The following TMC5 variants were observed in gnomAD, a reference collection of about 807,000 sequenced individuals.
The protein encoded by TMC5 is transmembrane channel like 5.
TMC5 carries 86 observed loss-of-function variants against 110.5 expected under a neutral mutation model. The observed-to-expected ratio is 0.78, with a 90% CI of 0.65 to 0.93. The LOEUF is 0.93. Among genes scored for constraint, TMC5 ranks in the 40% least tolerant of loss-of-function variants. The pLI is 0.00. For synonymous variants in TMC5, 455 were observed against 439.5 expected, an observed-to-expected ratio of 1.04 and a Z score of -0.44; for missense variants, 1,144 against 1,222.8, an observed-to-expected ratio of 0.94 and a Z score of 0.96.
At chr16:19,493,883 CTT>C (rs5816053) in intron 19 of TMC5, among the ~76,000 whole-genome samples, 2 of 150,740 alleles carry the variant, frequency 1.3e-5, no homozygotes, top group Non-Finnish European at 3.0e-5. Context: ...CTACATATAT[CTT>C]TTTTTTTTGT....
At chr16:19,424,520 ACCC>A (rs1967050907) in intron 1 of TMC5, among the ~76,000 whole-genome samples, 1 of 151,960 alleles carries the variant, frequency 6.6e-6, no homozygotes, top group Admixed American at 6.6e-5. Flanking sequence ...ACGGTGGCGG[ACCC>A]CTGTAATCCC....
chr16:19,452,328 C>A (rs75464028), intron 5 of TMC5, among the ~76,000 whole-genome samples: 5 of 152,148 alleles, frequency 3.3e-5, no homozygotes, highest in Non-Finnish European at 7.4e-5. Context: ...GGAACCTCCC[C>A]GTCTTCAGCT....
upstream of TMC5, among the ~76,000 whole-genome samples, chr16:19,416,296 A>C (rs145622514): frequency 2.0e-5 from 3 of 152,300 alleles, no homozygotes; most frequent in African/African-American, 7.2e-5. Context: ...CCCAAATGCA[A>C]ATGCCATAGG....
In TMC5 at chr16:19,493,120, C is replaced by T. The variant is rs1026527420; in HGVS notation, c.2826+892C>T. Among the ~76,000 whole-genome samples the T allele has an allele frequency of 3.3e-5, 5 of 151,240 alleles. No individual in the cohort carries two copies. The South Asian group carries it at 8.4e-4, about 25-fold the overall frequency. Reference sequence around the variant, plus strand: ...GGAATTACAGGCGCCTGCCACCACACCCGGCTAATTTTGTATTTTTAGTAG... The same window carrying T: ...GGAATTACAGGCGCCTGCCACCACATCCGGCTAATTTTGTATTTTTAGTAG... On this transcript the variant is annotated intron_variant, in intron 19 of 21. Coordinates refer to ENST00000542583, the MANE Select transcript of TMC5 (RefSeq NM_001261841.2).
At chr16:19,441,944 C>T (rs1181041089) in intron 3 of TMC5, among the ~76,000 whole-genome samples, 1 of 152,122 alleles carries the variant, frequency 6.6e-6, no homozygotes, top group African/African-American at 2.4e-5. Flanking sequence ...GCTGGGATTA[C>T]AGGCATGCGC....
chr16:19,423,040 A>T (rs1178847178), intron 1 of TMC5, among the ~76,000 whole-genome samples: 2 of 152,150 alleles, frequency 1.3e-5, no homozygotes, highest in Non-Finnish European at 2.9e-5. Context: ...AGGAGGATCG[A>T]TGGAGCCCAG....
chr16:19,427,210 T>G (rs1409247107), intron 1 of TMC5, among the ~76,000 whole-genome samples: 1 of 152,156 alleles, frequency 6.6e-6, no homozygotes, highest in African/African-American at 2.4e-5. Flanking sequence ...TCCCAGCACT[T>G]TGGGAGGCCA....
At chr16:19,471,402 C>T (rs1183575690) in intron 10 of TMC5, among the ~76,000 whole-genome samples, 2 of 152,110 alleles carry the variant, frequency 1.3e-5, no homozygotes, top group Non-Finnish European at 2.9e-5. Context: ...AATAAAGGGG[C>T]TTCAACAAGA....
chr16:19,444,170 C>A lies in TMC5; in HGVS notation c.878C>A (p.Pro293His). The A allele has an allele frequency of 6.2e-7, 1 of 1,614,070 alleles. No individual in the cohort carries two copies. Among genetic ancestry groups the A allele is most frequent in the Non-Finnish European group, 8.5e-7 (1 of 1,180,022 alleles). Residue 293 changes from proline (P) to histidine (H), a missense_variant, in exon 4 of 22, where the codon CCT (proline) becomes CAT (histidine). Transcript: ENST00000542583. ...VGSLWGENDYPEGIEMASMEM... is the reference protein window; with the variant it reads ...VGSLWGENDYHEGIEMASMEM... ...AGTCTTTGGGGAGAGAATGATTACCCTGAAGGCATTGAAATGGCATCCATG... is the reference window on the plus strand; with the variant it reads ...AGTCTTTGGGGAGAGAATGATTACCATGAAGGCATTGAAATGGCATCCATG...
Position 19,478,687 on chromosome 16 carries a change from T to C in TMC5, c.2170-744T>C, listed in dbSNP as rs560402209. On this transcript the variant is annotated intron_variant, in intron 13 of 21. Coordinates refer to ENST00000542583, the MANE Select transcript of TMC5 (RefSeq NM_001261841.2). The stretch of plus-strand genomic sequence containing the variant: ...CCATCCATCCATTTATTCATCCACG[T>C]ATTCATTCATGCATGCATCCATCTA... Among the ~76,000 whole-genome samples the C allele has an allele frequency of 7.6e-4, 116 of 152,276 alleles. 1 individual carries two copies. The highest frequency in any genetic ancestry group is 2.1e-3 in the South Asian group (10 of 4,822).
intron 5 of TMC5, among the ~76,000 whole-genome samples, chr16:19,453,822 A>G (rs905850785): frequency 3.3e-5 from 5 of 152,106 alleles, no homozygotes; most frequent in African/African-American, 1.2e-4. Context: ...GCTTTGATGA[A>G]TTAATTATGC....
chr16:19,477,609 G>C, intron 13 of TMC5, 91 bp downstream of exon 13: 1 of 848,252 alleles, frequency 1.2e-6, no homozygotes, highest in Non-Finnish European at 1.9e-6. Flanking sequence ...ATCACACTCC[G>C]TATTTGGTAT....
chr16:19,479,084 C>G (rs1968553994), intron 13 of TMC5, among the ~76,000 whole-genome samples: 1 of 152,208 alleles, frequency 6.6e-6, no homozygotes, highest in African/African-American at 2.4e-5. Flanking sequence ...ATTGGCACTT[C>G]TGGCTCTGTT....
chr16:19,460,152 G>T, intron 5 of TMC5, 83 bp from the exon 6 acceptor site: 2 of 1,002,756 alleles, frequency 2.0e-6, no homozygotes. Context: ...CTTGTGTTAC[G>T]TGCTCTGACT....
intron 15 of TMC5, among the ~76,000 whole-genome samples, chr16:19,485,500 G>A (rs1359428570): frequency 6.6e-6 from 1 of 152,090 alleles, no homozygotes; most frequent in Non-Finnish European, 1.5e-5. Context: ...GTTTTGCCAT[G>A]TTGGCCAGGC....
chr16:19,487,295 G>A lies in TMC5; in HGVS notation c.2542G>A (p.Val848Ile), dbSNP rs753869713. The A allele has an allele frequency of 1.9e-6, 3 of 1,614,114 alleles. No homozygotes were observed. The highest frequency in any genetic ancestry group is 1.7e-5 in the Admixed American group (1 of 60,012). Residue 848 changes from valine to isoleucine, a missense_variant, in exon 17 of 22, where the codon GTC becomes ATC. Val to Ile is a conservative substitution (Grantham distance 29). Coordinates refer to ENST00000542583, the MANE Select transcript of TMC5 (RefSeq NM_001261841.2). The part of the protein sequence containing the change: ...FLLFFPSFTG[V>I]LCTLAITIWR... ...GCTCTTTTTCCCATCCTTCACCGGG[G>A]TCTTGTGCACCCTGGCCATCACCAT...
At position 19,456,793 on chromosome 16, in the gene TMC5, G is replaced by T. The variant is rs550509326; in HGVS notation, c.1049-3442G>T. 5.9e-5 allele frequency: 96 copies of T among 1,614,148 alleles called. No homozygotes were observed. The South Asian group carries it at 1.0e-3, about 18-fold the overall frequency. Reference sequence around the variant, plus strand: ...TCCAAAGCCACCCATCCTCAAATCAGATTTTTCAAGAAAAGGTGCTGCTAG... The same window carrying T: ...TCCAAAGCCACCCATCCTCAAATCATATTTTTCAAGAAAAGGTGCTGCTAG... On this transcript the variant is annotated intron_variant, in intron 5 of 21. Coordinates refer to ENST00000542583, the MANE Select transcript of TMC5 (RefSeq NM_001261841.2).
intron 1 of TMC5, among the ~76,000 whole-genome samples, chr16:19,423,624 GA>G (rs1223568623): frequency 1.3e-5 from 2 of 152,142 alleles, no homozygotes; most frequent in Admixed American, 6.5e-5. Context: ...TGAATACTAG[GA>G]AAAAAGTTTT....
chr16:19,429,993 G>T (rs1282633331), intron 1 of TMC5, among the ~76,000 whole-genome samples: 1 of 151,738 alleles, frequency 6.6e-6, no homozygotes, highest in Non-Finnish European at 1.5e-5. Flanking sequence ...TGCGGACTGG[G>T]ACTTGAACAT....
Sources: allele counts gnomAD v4.1 joint callset (sites outside exome capture counted in the v4.1 genomes callset), GRCh38; gene constraint gnomAD v4.1.1; transcripts MANE v1.5; gene names NCBI Gene and HGNC (gene_info 2026-07-23, HGNC 2026-07-21).